PTPRJ: variants seen among roughly 807,000 people sequenced by gnomAD.
The protein encoded by PTPRJ is receptor-type tyrosine-protein phosphatase eta.
PTPRJ carries 129 observed loss-of-function variants against 141.3 expected under a neutral mutation model. The observed-to-expected ratio is 0.91, with a 90% CI of 0.79 to 1.06. The LOEUF (loss-of-function observed/expected upper bound fraction) is 1.06, where lower values mean the gene tolerates loss of function less well. Among genes scored for constraint, PTPRJ ranks in the 50% least tolerant of loss-of-function variants. The pLI is 0.00. For synonymous variants in PTPRJ, 610 were observed against 640.5 expected (o/e 0.95, Z 0.72); for missense variants, 1,601 against 1,679.7 (o/e 0.95, Z 0.82).
chr11:48,037,315 G>A (rs1854151261), intron 1 of PTPRJ, among the ~76,000 whole-genome samples: 1 of 152,164 alleles, frequency 6.6e-6, no homozygotes. Flanking sequence ...TTAATAGGAG[G>A]TGGGTGGGGG....
chr11:48,000,954 A>G (rs1363659785), intron 1 of PTPRJ, among the ~76,000 whole-genome samples: 2 of 149,192 alleles, frequency 1.3e-5, no homozygotes, highest in African/African-American at 5.0e-5. Context: ...GTTACAATGG[A>G]CTGGACCTCC....
At chr11:48,026,313 G>A (rs551223043) in intron 1 of PTPRJ, among the ~76,000 whole-genome samples, 1 of 152,142 alleles carries the variant, frequency 6.6e-6, no homozygotes, top group Non-Finnish European at 1.5e-5. Context: ...GCCTGGGAAA[G>A]GGGCAGTTGG....
intron 1 of PTPRJ, among the ~76,000 whole-genome samples, chr11:48,045,539 T>G (rs1340136900): frequency 1.3e-5 from 2 of 152,232 alleles, no homozygotes; most frequent in African/African-American, 2.4e-5. Context: ...TTTGCAGATA[T>G]CAAGGGCTTG....
intron 1 of PTPRJ, among the ~76,000 whole-genome samples, chr11:48,054,660 A>G (rs757735552): frequency 1.3e-5 from 2 of 151,958 alleles, no homozygotes; most frequent in African/African-American, 2.4e-5. Context: ...GGCCTCTCAC[A>G]GTGTGGCCCC....
At chr11:48,106,585 T>C (rs1368453247) in intron 1 of PTPRJ, among the ~76,000 whole-genome samples, 1 of 152,118 alleles carries the variant, frequency 6.6e-6, no homozygotes, top group Non-Finnish European at 1.5e-5. Context: ...GACACAGTCA[T>C]GTCAGAGAGA....
intron 1 of PTPRJ, among the ~76,000 whole-genome samples, chr11:48,065,600 A>G (rs1179999699): frequency 1.3e-5 from 2 of 152,222 alleles, no homozygotes; most frequent in African/African-American, 4.8e-5. Context: ...TGTGTGGCAT[A>G]GTATAGGTTA....
chr11:48,086,427 C>T (rs1174239172), intron 1 of PTPRJ, among the ~76,000 whole-genome samples: 2 of 152,234 alleles, frequency 1.3e-5, no homozygotes, highest in African/African-American at 4.8e-5. Flanking sequence ...TCGCTTCGGC[C>T]TCCCAAAGTG....
At chr11:47,993,215 G>A (rs1854241740) in intron 1 of PTPRJ, among the ~76,000 whole-genome samples, 1 of 152,236 alleles carries the variant, frequency 6.6e-6, no homozygotes, top group East Asian at 1.9e-4. Context: ...TAGTGAACAA[G>A]CTATGGGTCA....
At chr11:48,092,838 G>T (rs1459078002) in intron 1 of PTPRJ, among the ~76,000 whole-genome samples, 3 of 152,174 alleles carry the variant, frequency 2.0e-5, no homozygotes, top group African/African-American at 7.2e-5. Flanking sequence ...GCTCTGATGG[G>T]CACTTGGCTT....
At chr11:48,061,328 G>A (rs1420117202) in intron 1 of PTPRJ, among the ~76,000 whole-genome samples, 1 of 152,134 alleles carries the variant, frequency 6.6e-6, no homozygotes, top group African/African-American at 2.4e-5. Context: ...ACACATAGGA[G>A]TGGCCACCTG....
At chr11:48,035,538 C>CTTTTTTTTTTTT (rs66504227) in intron 1 of PTPRJ, among the ~76,000 whole-genome samples, 31 of 61,750 alleles carry the variant, frequency 5.0e-4, no homozygotes, top group Non-Finnish European at 6.8e-4. Context: ...CTTTCTTCTT[C>CTTTTTTTTTTTT]TTTTTTTTTT....
At chr11:47,998,121 A>ATT (rs781616037) in intron 1 of PTPRJ, among the ~76,000 whole-genome samples, 2 of 143,120 alleles carry the variant, frequency 1.4e-5, no homozygotes, top group African/African-American at 5.1e-5. Flanking sequence ...TCAATCCTTG[A>ATT]TTTTTTTTTT....
At chr11:48,035,703 AT>A (rs762771031) in intron 1 of PTPRJ, among the ~76,000 whole-genome samples, 4 of 151,952 alleles carry the variant, frequency 2.6e-5, no homozygotes, top group African/African-American at 9.7e-5. Context: ...TCATATTGCT[AT>A]TATTGGCGAT....
At chr11:48,148,727 G>C (rs1460937624) in intron 15 of PTPRJ, among the ~76,000 whole-genome samples, 1 of 152,144 alleles carries the variant, frequency 6.6e-6, no homozygotes, top group African/African-American at 2.4e-5. Flanking sequence ...CAGCCACCGT[G>C]CCTGGCTCAT....
chr11:48,164,217 C>T (rs889176107), intron 23 of PTPRJ, among the ~76,000 whole-genome samples, 163 bp from the exon 24 acceptor site: 2 of 152,190 alleles, frequency 1.3e-5, no homozygotes, highest in African/African-American at 2.4e-5. Flanking sequence ...CTAGTGCTGT[C>T]TGACTTGCTG....
chr11:48,139,288 TGCA>T (rs1857176315), intron 10 of PTPRJ, among the ~76,000 whole-genome samples, 195 bp from the exon 11 acceptor site: 1 of 152,218 alleles, frequency 6.6e-6, no homozygotes, highest in South Asian at 2.1e-4. Flanking sequence ...CAAAGAGTCC[TGCA>T]GCTGAGGCTC....
At chr11:48,068,578 C>T (rs1329937915) in intron 1 of PTPRJ, among the ~76,000 whole-genome samples, 3 of 152,226 alleles carry the variant, frequency 2.0e-5, no homozygotes, top group Non-Finnish European at 2.9e-5. Flanking sequence ...TTATAAATTA[C>T]CCAGTCTCAG....
At chr11:48,160,452 A>G (rs2134385932) in intron 22 of PTPRJ, among the ~76,000 whole-genome samples, 1 of 152,340 alleles carries the variant, frequency 6.6e-6, no homozygotes, top group South Asian at 2.1e-4. Context: ...CAGTTACATT[A>G]ATAGGATTCC....
chr11:48,121,209 A>G lies in PTPRJ; in HGVS notation c.559A>G (p.Thr187Ala). 6.2e-7 allele frequency: 1 copy of G among 1,614,130 alleles called. No homozygotes were observed. Among genetic ancestry groups the G allele is most frequent in the Non-Finnish European group, 8.5e-7 (1 of 1,179,984 alleles). ...AGCGACTTCATATGTATTCTCCATC[A>G]CTCCAGGAATAGGCAATGAGACTTG... Reference protein sequence around the residue: ...RPATSYVFSITPGIGNETWGD... With the variant: ...RPATSYVFSIAPGIGNETWGD... The change falls in exon 4 of 25, where the codon ACT (threonine) becomes GCT (alanine). Residue 187 changes from threonine to alanine, a missense_variant. By Grantham distance (58) the Thr-to-Ala change is moderately conservative (BLOSUM62 0). Coordinates refer to ENST00000418331, the MANE Select transcript of PTPRJ (RefSeq NM_002843.4).
Sources: gnomAD v4.1 joint callset for allele counts (sites outside exome capture counted in the v4.1 genomes callset) on GRCh38, gnomAD v4.1.1 for gene constraint, MANE v1.5 for transcripts, NCBI Gene and HGNC (gene_info 2026-07-23, HGNC 2026-07-21) for gene names.